The following PTPRT variants were observed in gnomAD, a reference collection of about 807,000 sequenced individuals.
The protein encoded by PTPRT is protein tyrosine phosphatase receptor type T.
A neutral mutation model predicts 176.8 loss-of-function variants in PTPRT; 56 were observed. That is an observed-to-expected ratio of 0.32 (90% CI 0.26 to 0.40). PTPRT has a LOEUF of 0.40. PTPRT is among the 10% of genes least tolerant of loss of function. The probability of loss-of-function intolerance (pLI) is 1.00; values close to 1 mark genes in which losing one functional copy is unlikely to be tolerated. For missense variants in PTPRT, 1,540 were observed against 1,908.2 expected (o/e 0.81, Z 3.60); for synonymous variants, 783 against 739.0 (o/e 1.06, Z -0.96).
In PTPRT at chr20:42,143,820, T is replaced by G. The variant is rs148367503; in HGVS notation, c.2683-1818A>C. 3.4e-4 allele frequency among the ~76,000 whole-genome samples: 51 copies of G among 152,222 alleles called. 1 individual carries two copies. Among genetic ancestry groups the G allele is most frequent in the Admixed American group, 1.4e-3 (22 of 15,300 alleles). Reference sequence around the variant, plus strand: ...GGGAATGAAGTCAATATAGAGCACATCAATGAGCAGGTTACCACTGTGGGC... The same window carrying G: ...GGGAATGAAGTCAATATAGAGCACAGCAATGAGCAGGTTACCACTGTGGGC... On this transcript the variant is annotated intron_variant, in intron 17 of 30. Transcript: ENST00000373187.
chr20:42,738,795 G>A (rs2076570590), intron 6 of PTPRT, among the ~76,000 whole-genome samples: 1 of 152,168 alleles, frequency 6.6e-6, no homozygotes, highest in Non-Finnish European at 1.5e-5. Context: ...AATGGGGCTG[G>A]GCACAGTGGC....
chr20:43,036,852 A>T (rs557674466), intron 1 of PTPRT, among the ~76,000 whole-genome samples: 31 of 152,314 alleles, frequency 2.0e-4, no homozygotes, highest in Middle Eastern at 3.4e-3. Context: ...ATGAAAATTT[A>T]AAAAAATGGT....
intron 11 of PTPRT, among the ~76,000 whole-genome samples, chr20:42,346,322 T>C (rs961195870): frequency 3.3e-5 from 5 of 152,168 alleles, no homozygotes; most frequent in Admixed American, 2.0e-4. Context: ...GACTAATTCA[T>C]GGCTAAGTTA....
At chr20:42,614,743 C>A (rs1162864477) in intron 7 of PTPRT, among the ~76,000 whole-genome samples, 2 of 152,190 alleles carry the variant, frequency 1.3e-5, no homozygotes, top group Admixed American at 1.3e-4. Context: ...AAGGACATAC[C>A]TGAGACTGGG....
At chr20:42,556,884 T>G (rs6072793) in intron 7 of PTPRT, among the ~76,000 whole-genome samples, 83,728 of 152,010 alleles carry the variant, frequency 0.55, 23,685 homozygotes, top group African/African-American at 0.68. Flanking sequence ...AAGCTGCATA[T>G]CATGATGTGC....
intron 18 of PTPRT, among the ~76,000 whole-genome samples, chr20:42,138,035 T>C (rs1988453285): frequency 6.6e-6 from 1 of 152,226 alleles, no homozygotes; most frequent in Admixed American, 6.5e-5. Context: ...TTCTCAAAGT[T>C]GCACATGCGT....
chr20:42,033,848 T>C, the PTPRT span, among the ~76,000 whole-genome samples: 1 of 152,186 alleles, frequency 6.6e-6, no homozygotes, highest in South Asian at 2.1e-4. Context: ...CAGAATGCCA[T>C]TTTCTACTCA....
At chr20:42,070,811 T>C (rs1982291323), downstream of PTPRT, among the ~76,000 whole-genome samples, 1 of 152,204 alleles carries the variant, frequency 6.6e-6, no homozygotes, top group Non-Finnish European at 1.5e-5. Flanking sequence ...TATGTGCTAC[T>C]TTTATCATAA....
At chr20:42,862,692 C>T (rs1301691313) in intron 2 of PTPRT, among the ~76,000 whole-genome samples, 2 of 152,180 alleles carry the variant, frequency 1.3e-5, no homozygotes, top group Non-Finnish European at 2.9e-5. Flanking sequence ...CATTGCTTTG[C>T]TTCATTTTTC....
At chr20:42,322,297 A>G (rs990278370) in intron 11 of PTPRT, among the ~76,000 whole-genome samples, 1 of 150,652 alleles carries the variant, frequency 6.6e-6, no homozygotes, top group Admixed American at 6.6e-5. Context: ...AGCCCGCATC[A>G]CCAAGTCAAT....
intron 1 of PTPRT, among the ~76,000 whole-genome samples, chr20:43,160,442 A>C (rs550398941): frequency 3.7e-4 from 57 of 152,170 alleles, no homozygotes; most frequent in Non-Finnish European, 7.3e-4. Flanking sequence ...AATAAGAATA[A>C]ATAAAATTAA....
At chr20:42,253,484 G>A (rs1435499586) in intron 13 of PTPRT, among the ~76,000 whole-genome samples, 2 of 152,128 alleles carry the variant, frequency 1.3e-5, no homozygotes, top group Non-Finnish European at 2.9e-5. Flanking sequence ...CTAAAAGGCT[G>A]TCTCCGACTC....
At chr20:42,448,672 T>C (rs1045611469) in intron 8 of PTPRT, among the ~76,000 whole-genome samples, 1 of 152,164 alleles carries the variant, frequency 6.6e-6, no homozygotes, top group African/African-American at 2.4e-5. Flanking sequence ...AGTCGGTTTA[T>C]GAACTGAACC....
At chr20:43,084,621 C>A (rs1433052553) in intron 1 of PTPRT, among the ~76,000 whole-genome samples, 2 of 152,148 alleles carry the variant, frequency 1.3e-5, no homozygotes, top group African/African-American at 4.8e-5. Context: ...GACACAGAGC[C>A]AAACCATATC....
At chr20:42,658,575 G>A (rs1212501286) in intron 7 of PTPRT, among the ~76,000 whole-genome samples, 1 of 152,204 alleles carries the variant, frequency 6.6e-6, no homozygotes, top group Non-Finnish European at 1.5e-5. Flanking sequence ...TATGTGCACT[G>A]GGCAACCAAA....
intron 6 of PTPRT, among the ~76,000 whole-genome samples, chr20:42,681,180 T>C (rs371809408): frequency 1.3e-5 from 2 of 152,206 alleles, no homozygotes; most frequent in East Asian, 1.9e-4. Flanking sequence ...TATCTATTTA[T>C]AGCAGTTCTC....
At chr20:42,094,563 C>T (rs1255079611) in intron 27 of PTPRT, among the ~76,000 whole-genome samples, 2 of 151,938 alleles carry the variant, frequency 1.3e-5, no homozygotes, top group African/African-American at 4.8e-5. Flanking sequence ...GCTAGGATTA[C>T]AGGCATGGAC....
At chr20:42,336,269 T>A (rs2058038213) in intron 11 of PTPRT, among the ~76,000 whole-genome samples, 1 of 152,206 alleles carries the variant, frequency 6.6e-6, no homozygotes, top group Non-Finnish European at 1.5e-5. Flanking sequence ...AGGTATTGGA[T>A]GATTTAAGAC....
At chr20:42,628,467 T>C (rs2074339023) in intron 7 of PTPRT, among the ~76,000 whole-genome samples, 1 of 152,126 alleles carries the variant, frequency 6.6e-6, no homozygotes, top group South Asian at 2.1e-4. Flanking sequence ...CATTGTTCAA[T>C]ATATTTAATC....
Sources: gnomAD v4.1 joint callset for allele counts (sites outside exome capture counted in the v4.1 genomes callset) on GRCh38, gnomAD v4.1.1 for gene constraint, MANE v1.5 for transcripts, NCBI Gene and HGNC (gene_info 2026-07-23, HGNC 2026-07-21) for gene names.